Variants in PALD1 observed in about 807,000 individuals in gnomAD.
PALD1 encodes paladin.
PALD1 carries 57 observed loss-of-function variants against 96.0 expected under a neutral mutation model. The observed-to-expected ratio is 0.59, with a 90% CI of 0.48 to 0.74. The LOEUF (loss-of-function observed/expected upper bound fraction) is 0.74. Ranked by LOEUF, PALD1 falls within the 30% of genes least tolerant of loss-of-function variation. The pLI, the probability that PALD1 is intolerant of heterozygous loss-of-function variation, is 0.00. For missense variants in PALD1, 1,063 were observed against 1,143.7 expected (o/e 0.93, Z 1.02); for synonymous variants, 464 against 473.6 (o/e 0.98, Z 0.26).
chr10:70,507,043 C>T (rs1286485147), intron 1 of PALD1, among the ~76,000 whole-genome samples: 1 of 152,126 alleles, frequency 6.6e-6, no homozygotes, highest in African/African-American at 2.4e-5. Flanking sequence ...ACAACACAGA[C>T]ACCTGCAAAG....
intron 1 of PALD1, among the ~76,000 whole-genome samples, chr10:70,489,829 G>A (rs1028357174): frequency 6.6e-5 from 10 of 151,966 alleles, no homozygotes; most frequent in African/African-American, 7.3e-5. Context: ...CCCCCAGCCC[G>A]CTAGCATGCT....
chr10:70,476,173 G>A (rs1186282252), upstream of PALD1, among the ~76,000 whole-genome samples: 2 of 152,160 alleles, frequency 1.3e-5, no homozygotes, highest in African/African-American at 2.4e-5. Flanking sequence ...TTTCTCAGGG[G>A]ATTTTGGGCT....
chr10:70,529,214 C>A lies in PALD1; in HGVS notation c.186-15C>A, dbSNP rs747342212. On this transcript the variant is annotated splice_polypyrimidine_tract_variant and intron_variant, in intron 2 of 19. Coordinates refer to ENST00000263563, the MANE Select transcript of PALD1 (RefSeq NM_014431.3). ...TTGACTCAGTTTCCATTCTGCCCCC[C>A]CCCCCCCCCCCCAGGTACAACTGCA... 0.17 allele frequency: 34,356 copies of A among 199,288 alleles called. 1,185 individuals are homozygous for A. Among genetic ancestry groups the A allele is most frequent in the East Asian group, 0.37 (4,630 of 12,428 alleles). 12.3% of individuals were successfully genotyped at this position (199,288 alleles called of 1,614,324 possible).
Position 70,531,436 on chromosome 10 carries a change from G to A in PALD1, c.615G>A (p.Glu205=), listed in dbSNP as rs1230497519. The stretch of plus-strand genomic sequence containing the variant: ...CCGGGGTCCGGGTGGAGAGCCTGGA[G>A]CTGGCCATCCGGAAAGAGGTGAGGA... ...LGPGVRVESL[E]LAIRKEIHDF... The change falls in exon 5 of 20, where the codon GAG becomes GAA. Residue 205 remains glutamate, a synonymous_variant. Coordinates refer to ENST00000263563, the MANE Select transcript of PALD1 (RefSeq NM_014431.3). 1.2e-6 allele frequency: 2 copies of A among 1,613,684 alleles called. No individual in the cohort carries two copies. Among genetic ancestry groups the A allele is most frequent in the African/African-American group, 2.7e-5 (2 of 74,918 alleles).
At chr10:70,481,460 G>C (rs570109577) in intron 1 of PALD1, among the ~76,000 whole-genome samples, 39 of 152,192 alleles carry the variant, frequency 2.6e-4, no homozygotes, top group Non-Finnish European at 5.0e-4. Context: ...GTTTTACTCA[G>C]AGTCATTTGG....
chr10:70,551,209 C>CCCT (rs1847470731), intron 18 of PALD1, among the ~76,000 whole-genome samples: 1 of 152,220 alleles, frequency 6.6e-6, no homozygotes, highest in Non-Finnish European at 1.5e-5. Flanking sequence ...CCCCTACCAC[C>CCCT]CCTTCTCTCT....
intron 1 of PALD1, among the ~76,000 whole-genome samples, chr10:70,510,586 T>C (rs1846493021): frequency 6.6e-6 from 1 of 152,172 alleles, no homozygotes; most frequent in Non-Finnish European, 1.5e-5. Flanking sequence ...GACCAGCTCC[T>C]TCCTAATTGT....
chr10:70,468,810 C>T, the PALD1 span, among the ~76,000 whole-genome samples: 1 of 151,608 alleles, frequency 6.6e-6, no homozygotes, highest in African/African-American at 2.4e-5. Flanking sequence ...GATCTTGGCT[C>T]ACGGCAACCT....
chr10:70,538,319 TG>T lies in PALD1; in HGVS notation c.1364del (p.Cys455LeufsTer11). 3.1e-6 allele frequency: 5 copies of T among 1,606,514 alleles called. No individual in the cohort carries two copies. Among genetic ancestry groups the T allele is most frequent in the Non-Finnish European group, 3.4e-6 (4 of 1,179,930 alleles). On this transcript the variant is annotated frameshift_variant, in exon 12 of 20. Transcript: ENST00000263563. LOFTEE classifies it high-confidence loss of function. ...TGCCCTCAGTTTCAGCCGCTGGCTG[TG>T]TGCCCACCCTGAGCTGTACCGCCTG... Reference protein sequence around the residue: ...AFALSFSRWLCAHPELYRLPV... With the variant: ...AFALSFSRWLXAHPELYRLPV...
Position 70,539,202 on chromosome 10 carries a change from C to G in PALD1, c.1680C>G (p.Tyr560Ter), listed in dbSNP as rs762009768. ...TGTTGGAGTGTGACGGGCACACCTACAGCCTGCGGTGGCCTGGGCCCCCTG... is the reference window on the plus strand; with the variant it reads ...TGTTGGAGTGTGACGGGCACACCTAGAGCCTGCGGTGGCCTGGGCCCCCTG... ...EAVLECDGHT[Y>*]SLRWPGPPVA... is the part of the protein sequence containing the mutation. The change falls in exon 14 of 20, where the codon TAC (tyrosine) becomes TAG (stop). Residue 560 changes from tyrosine to a stop codon, truncating the protein, a stop_gained. Transcript: ENST00000263563. LOFTEE classifies it high-confidence loss of function. This position sits in a 1 kb window ranked among gnomAD's most constrained non-coding sequence, Gnocchi z 4.5. The G allele has an allele frequency of 6.2e-7, 1 of 1,612,742 alleles. No homozygotes were observed. The highest frequency in any genetic ancestry group is 1.7e-5 in the Admixed American group (1 of 59,832).
Position 70,547,451 on chromosome 10 carries a change from G to GCCCCCCCCCCC in PALD1, c.2262+10_2262+11insCCCCCCCCCCC. 1 of 1,585,846 alleles carries GCCCCCCCCCCC rather than the reference G, an allele frequency of 6.3e-7. No homozygotes were observed. Among genetic ancestry groups the GCCCCCCCCCCC allele is most frequent in the Admixed American group, 1.7e-5 (1 of 59,180 alleles). On this transcript the variant is annotated splice_donor_region_variant and intron_variant, in intron 18 of 19. Transcript: ENST00000263563. ...ATCATCTGCACCTACCGCCAGGTGA[G>GCCCCCCCCCCC]CCCCCACCCCACCCCACCCCACCCT...
intron 10 of PALD1, among the ~76,000 whole-genome samples, chr10:70,535,198 G>A (rs1847084523): frequency 6.6e-6 from 1 of 152,210 alleles, no homozygotes. Context: ...CTGGGGTTTG[G>A]TCCAGCTGGC....
intron 17 of PALD1, 80 bp downstream of exon 17, chr10:70,541,614 C>T: frequency 1.9e-6 from 2 of 1,027,032 alleles, no homozygotes; most frequent in Admixed American, 1.9e-5. Flanking sequence ...TCTAGGGGTC[C>T]TCAAAGCACG....
At chr10:70,491,719 A>G (rs1392042909) in intron 1 of PALD1, among the ~76,000 whole-genome samples, 4 of 152,250 alleles carry the variant, frequency 2.6e-5, no homozygotes, top group East Asian at 1.9e-4. Context: ...CCCAAAAGGA[A>G]AACTCCATCC....
chr10:70,529,237 G>A lies in PALD1; in HGVS notation c.194G>A (p.Cys65Tyr). ...CCCCCCCCCCCCCCCAGGTACAACT[G>A]CAAGGAGGAGTTCCAGATCCATGAT... The part of the protein sequence containing the change: ...KVAPVVITYN[C>Y]KEEFQIHDEL... Residue 65 changes from cysteine (C) to tyrosine (Y), a missense_variant, in exon 3 of 20, where the codon TGC becomes TAC. Coordinates refer to ENST00000263563, the MANE Select transcript of PALD1 (RefSeq NM_014431.3). 3 of 930,576 alleles carry A rather than the reference G, an allele frequency of 3.2e-6. No homozygotes were observed. The highest frequency in any genetic ancestry group is 3.2e-6 in the Non-Finnish European group (2 of 634,806). 57.6% of individuals were successfully genotyped at this position (930,576 alleles called of 1,614,324 possible).
intron 1 of PALD1, among the ~76,000 whole-genome samples, chr10:70,517,584 C>T (rs1589190748): frequency 6.6e-6 from 1 of 151,972 alleles, no homozygotes; most frequent in African/African-American, 2.4e-5. Flanking sequence ...TCAGGTGATC[C>T]GCTCACCTCG....
In PALD1 at chr10:70,538,920, C is replaced by T. The variant is rs141292267; in HGVS notation, c.1481C>T (p.Ala494Val). 129 of 1,613,532 alleles carry T rather than the reference C, an allele frequency of 8.0e-5. 1 individual carries two copies. The highest frequency in any genetic ancestry group is 1.0e-4 in the Non-Finnish European group (118 of 1,179,962). Residue 494 changes from alanine (A) to valine (V), a missense_variant, in exon 13 of 20, where the codon GCG becomes GTG. Coordinates refer to ENST00000263563, the MANE Select transcript of PALD1 (RefSeq NM_014431.3). ...GAGGACGATCTGGTCTCCCCGGACG[C>T]GCTCAGCACTGTCAGAGAGATGGAT... is the stretch of plus-strand genomic sequence containing the variant. ...LREDDLVSPD[A>V]LSTVREMDVA...
At chr10:70,531,797 C>T (rs961301290) in intron 5 of PALD1, among the ~76,000 whole-genome samples, 1 of 151,958 alleles carries the variant, frequency 6.6e-6, no homozygotes, top group African/African-American at 2.4e-5. Flanking sequence ...GCCTGACCAA[C>T]GTGGTGAAAC....
chr10:70,484,622 T>C (rs939669447), intron 1 of PALD1, among the ~76,000 whole-genome samples: 1 of 151,860 alleles, frequency 6.6e-6, no homozygotes, highest in Non-Finnish European at 1.5e-5. Flanking sequence ...TCACTCAAGC[T>C]CCGCCTCCCG....
Sources: gnomAD v4.1 joint callset for allele counts (sites outside exome capture counted in the v4.1 genomes callset) on GRCh38, gnomAD v4.1.1 for gene constraint, Gnocchi (gnomAD v3.1) non-coding constraint, MANE v1.5 for transcripts, NCBI Gene and HGNC (gene_info 2026-07-23, HGNC 2026-07-21) for gene names.